HCN1: variants seen among roughly 807,000 people sequenced by gnomAD.
HCN1 encodes the protein potassium/sodium hyperpolarization-activated cyclic nucleotide-gated channel 1.
In HCN1, 13 loss-of-function variants were observed where a neutral mutation model predicts 78.9. The ratio of observed to expected loss-of-function variants is 0.16; its 90% CI spans 0.11 to 0.26. HCN1 has a LOEUF of 0.26. HCN1 is among the 10% of genes least tolerant of loss of function. HCN1 has a pLI of 1.00. For synonymous variants in HCN1, 552 were observed against 455.5 expected (o/e 1.21, Z -2.70); for missense variants, 810 against 1,154.3 (o/e 0.70, Z 4.32).
chr5:45,340,640 T>A (rs1211046035), intron 5 of HCN1, among the ~76,000 whole-genome samples: 1 of 151,754 alleles, frequency 6.6e-6, no homozygotes, highest in Non-Finnish European at 1.5e-5. Flanking sequence ...GCAAAATATG[T>A]TGATAGAGTT....
intron 2 of HCN1, among the ~76,000 whole-genome samples, chr5:45,511,147 C>A (rs1444093276): frequency 6.6e-6 from 1 of 151,628 alleles, no homozygotes; most frequent in Admixed American, 6.6e-5. Context: ...CTCTCCATGG[C>A]CAAAAATGAA....
At chr5:45,493,081 T>A (rs1741925310) in intron 2 of HCN1, among the ~76,000 whole-genome samples, 2 of 152,250 alleles carry the variant, frequency 1.3e-5, no homozygotes, top group South Asian at 4.1e-4. Context: ...TACAAATTCT[T>A]GTAAAATATT....
At chr5:45,421,578 C>CAA (rs1299651347) in intron 3 of HCN1, among the ~76,000 whole-genome samples, 3 of 151,856 alleles carry the variant, frequency 2.0e-5, no homozygotes, top group African/African-American at 7.3e-5. Context: ...AACCAAGAAA[C>CAA]AGAAACCAAC....
At chr5:45,571,339 G>A (rs1190781454) in intron 2 of HCN1, among the ~76,000 whole-genome samples, 1 of 152,080 alleles carries the variant, frequency 6.6e-6, no homozygotes, top group Admixed American at 6.6e-5. Flanking sequence ...TCTTGGAGAT[G>A]TTTTCTGACT....
intron 5 of HCN1, among the ~76,000 whole-genome samples, chr5:45,348,469 A>T (rs1191312555): frequency 6.6e-6 from 1 of 152,170 alleles, no homozygotes; most frequent in Non-Finnish European, 1.5e-5. Context: ...TAACAAGCAA[A>T]ATAACCAGCT....
chr5:45,458,805 C>T (rs1461860449), intron 3 of HCN1, among the ~76,000 whole-genome samples: 1 of 152,008 alleles, frequency 6.6e-6, no homozygotes, highest in Non-Finnish European at 1.5e-5. Flanking sequence ...TAATGTTTAC[C>T]TCATTCAGTT....
intron 2 of HCN1, among the ~76,000 whole-genome samples, chr5:45,537,392 ATT>A (rs563659143): frequency 1.1e-5 from 1 of 87,006 alleles, no homozygotes; most frequent in Non-Finnish European, 2.6e-5. Context: ...CTGATTATGC[ATT>A]TTTTTTTGTT....
chr5:45,347,203 G>C (rs1428505069), intron 5 of HCN1, among the ~76,000 whole-genome samples: 1 of 152,182 alleles, frequency 6.6e-6, no homozygotes, highest in African/African-American at 2.4e-5. Flanking sequence ...AGAATTTGTG[G>C]TTCACGAAAA....
chr5:45,619,091 TC>T (rs1327869041), intron 2 of HCN1, among the ~76,000 whole-genome samples: 4 of 152,134 alleles, frequency 2.6e-5, no homozygotes, highest in Non-Finnish European at 5.9e-5. Context: ...TTGATTTTTT[TC>T]TTAAGTGAGG....
intron 3 of HCN1, among the ~76,000 whole-genome samples, chr5:45,447,191 G>A (rs976117576): frequency 1.3e-5 from 2 of 152,058 alleles, no homozygotes; most frequent in Non-Finnish European, 2.9e-5. Flanking sequence ...ATGGAGGAAG[G>A]TCTACCAAGC....
At chr5:45,484,633 T>A (rs981039750) in intron 2 of HCN1, among the ~76,000 whole-genome samples, 3 of 152,114 alleles carry the variant, frequency 2.0e-5, no homozygotes, top group Non-Finnish European at 4.4e-5. Context: ...CTAAGACTAG[T>A]GGAGCTGAGA....
intron 1 of HCN1, among the ~76,000 whole-genome samples, chr5:45,694,097 T>C (rs1739962162): frequency 1.3e-5 from 2 of 152,202 alleles, no homozygotes; most frequent in Non-Finnish European, 2.9e-5. Flanking sequence ...CAGGGTCATT[T>C]ATAAGTTTGC....
At chr5:45,314,807 G>C (rs1218670240) in intron 5 of HCN1, among the ~76,000 whole-genome samples, 1 of 152,064 alleles carries the variant, frequency 6.6e-6, no homozygotes, top group Non-Finnish European at 1.5e-5. Flanking sequence ...AAGATCAAAA[G>C]AGACAAAGAA....
chr5:45,375,913 T>A (rs540515374), intron 4 of HCN1, among the ~76,000 whole-genome samples: 335 of 122,122 alleles, frequency 2.7e-3, no homozygotes, highest in Non-Finnish European at 4.2e-3. Flanking sequence ...ATATTTTATC[T>A]TATATATTAT....
At chr5:45,457,003 A>C (rs1741043107) in intron 3 of HCN1, among the ~76,000 whole-genome samples, 1 of 152,104 alleles carries the variant, frequency 6.6e-6, no homozygotes, top group Non-Finnish European at 1.5e-5. Flanking sequence ...ACATTCAGAT[A>C]ATCCTAAATT....
intron 1 of HCN1, among the ~76,000 whole-genome samples, chr5:45,659,113 G>T (rs937411578): frequency 2.0e-5 from 3 of 152,112 alleles, no homozygotes; most frequent in East Asian, 1.9e-4. Flanking sequence ...ATCTGAGAAC[G>T]GGCAGACTGC....
At chr5:45,504,000 G>A (rs1274048111) in intron 2 of HCN1, among the ~76,000 whole-genome samples, 1 of 151,984 alleles carries the variant, frequency 6.6e-6, no homozygotes, top group African/African-American at 2.4e-5. Context: ...TGGTCAGACT[G>A]GTCTTGAACT....
chr5:45,547,452 T>A (rs1336504808), intron 2 of HCN1, among the ~76,000 whole-genome samples: 3 of 151,902 alleles, frequency 2.0e-5, no homozygotes, highest in Admixed American at 6.6e-5. Context: ...TAGCGGAGTA[T>A]GCGTTTAATA....
At chr5:45,462,986 A>C (rs1260323926) in intron 2 of HCN1, among the ~76,000 whole-genome samples, 2 of 152,038 alleles carry the variant, frequency 1.3e-5, no homozygotes, top group Admixed American at 6.6e-5. Flanking sequence ...GTTTTGTTAT[A>C]ATTGTTAAGG....
Sources: gnomAD v4.1 joint callset for allele counts (sites outside exome capture counted in the v4.1 genomes callset) on GRCh38, gnomAD v4.1.1 for gene constraint, MANE v1.5 for transcripts, NCBI Gene and HGNC (gene_info 2026-07-23, HGNC 2026-07-21) for gene names.